AP1M1: variants seen among roughly 807,000 people sequenced by gnomAD.
AP1M1 encodes AP-1 complex subunit mu-1.
Under a neutral mutation model 57.1 loss-of-function variants are expected in AP1M1, and 18 were observed. The observed-to-expected ratio is 0.32, with a 90% CI of 0.22 to 0.47. The LOEUF is 0.47. AP1M1 is among the 20% of genes least tolerant of loss of function. AP1M1 has a pLI of 1.00. For missense variants in AP1M1, 362 were observed against 593.5 expected (o/e 0.61, Z 4.05); for synonymous variants, 241 against 237.9 (o/e 1.01, Z -0.12).
Position 16,243,084 on chromosome 19 carries a change from G to A in AP1M1, c.*8649G>A, listed in dbSNP as rs1294273390. ...ACACACGGCCAGAATAGACTTTAAAGCAAGAAAGCAAAAGAAAAAATGTAT... is the reference window on the plus strand; with the variant it reads ...ACACACGGCCAGAATAGACTTTAAAACAAGAAAGCAAAAGAAAAAATGTAT... On this transcript the variant is annotated 3_prime_UTR_variant, in exon 12 of 12. Coordinates refer to ENST00000291439, the MANE Select transcript of AP1M1 (RefSeq NM_032493.4). 6.6e-6 allele frequency: 1 copy of A among 151,918 alleles called. No individual in the cohort carries two copies. The highest frequency in any genetic ancestry group is 2.4e-5 in the African/African-American group (1 of 41,360). The allele number at this position is 151,918 out of a possible 1,614,324, so 9.4% of individuals were successfully genotyped here.
intron 5 of AP1M1, among the ~76,000 whole-genome samples, chr19:16,222,526 T>A (rs1007016721): frequency 6.6e-6 from 1 of 152,196 alleles, no homozygotes; most frequent in Non-Finnish European, 1.5e-5. Flanking sequence ...ATTCTGCTAT[T>A]AAGTCCATTG....
chr19:16,202,396 A>G (rs2091452453), intron 1 of AP1M1, among the ~76,000 whole-genome samples: 1 of 152,312 alleles, frequency 6.6e-6, no homozygotes, highest in African/African-American at 2.4e-5. Flanking sequence ...AATGAGGTAT[A>G]ATTTACATTA....
At chr19:16,226,612 T>C (rs2305939) in intron 6 of AP1M1, 65 bp downstream of exon 6, 1,155,995 of 1,509,798 alleles carry the variant, frequency 0.77, 448,650 homozygotes, top group Non-Finnish European at 0.8. Flanking sequence ...CATTACAGCC[T>C]AGGGCAGGGT....
Position 16,227,549 on chromosome 19 carries a change from C to T in AP1M1, c.675C>T (p.Arg225=), listed in dbSNP as rs199774903. The T allele has an allele frequency of 1.0e-4, 163 of 1,613,584 alleles. No individual in the cohort carries two copies. The highest frequency in any genetic ancestry group is 3.3e-4 in the Middle Eastern group (2 of 6,080). The change falls in exon 7 of 12, where the codon CGC becomes CGT. Residue 225 remains arginine, a splice_region_variant and synonymous_variant. Coordinates refer to ENST00000291439, the MANE Select transcript of AP1M1 (RefSeq NM_032493.4). This position sits in a 1 kb window ranked among gnomAD's most constrained non-coding sequence, Gnocchi z 6.2. ...TCCTACCCTCACCCCTGACCCCAGGCGGCAAAAGCAAATCCGTGGAGCTGG... is the reference window on the plus strand; with the variant it reads ...TCCTACCCTCACCCCTGACCCCAGGTGGCAAAAGCAAATCCGTGGAGCTGG... ...NDKVLFDNTG[R]GKSKSVELED...
chr19:16,211,623 G>A (rs760537670), intron 5 of AP1M1, among the ~76,000 whole-genome samples: 16 of 152,056 alleles, frequency 1.1e-4, no homozygotes, highest in East Asian at 3.9e-4. Flanking sequence ...GGTGATGCGC[G>A]CCTGTAATCC....
intron 9 of AP1M1, among the ~76,000 whole-genome samples, chr19:16,231,660 G>A (rs1568356039): frequency 6.6e-6 from 1 of 152,158 alleles, no homozygotes; most frequent in Non-Finnish European, 1.5e-5. Flanking sequence ...CAGGTGATCT[G>A]CCTGCTTCGG....
rs1463393569 is a variant in AP1M1 at position 16,242,694 on chromosome 19, A to C, written c.*8259A>C. ...AAGTAAAAAGACATTAAAAGATGCC[A>C]AAAGAAATCTCATATGGTTATATTA... On this transcript the variant is annotated 3_prime_UTR_variant, in exon 12 of 12. Transcript: ENST00000291439. The C allele has an allele frequency of 6.6e-6, 1 of 152,272 alleles. No homozygotes were observed. The highest frequency in any genetic ancestry group is 1.9e-4 in the East Asian group (1 of 5,204). 9.4% of individuals were successfully genotyped at this position (152,272 alleles called of 1,614,324 possible).
At chr19:16,225,636 C>T (rs1599464076) in intron 5 of AP1M1, among the ~76,000 whole-genome samples, 1 of 152,352 alleles carries the variant, frequency 6.6e-6, no homozygotes, top group African/African-American at 2.4e-5. Context: ...CAGGTCATCT[C>T]CCCACAGTCC....
At chr19:16,212,587 C>T (rs1808645850) in intron 5 of AP1M1, among the ~76,000 whole-genome samples, 1 of 152,158 alleles carries the variant, frequency 6.6e-6, no homozygotes, top group Non-Finnish European at 1.5e-5. Flanking sequence ...GTTTTTGTGT[C>T]TCAGTCTTCT....
At chr19:16,201,792 G>GATCACTC in intron 1 of AP1M1, among the ~76,000 whole-genome samples, 1 of 152,326 alleles carries the variant, frequency 6.6e-6, no homozygotes, top group African/African-American at 2.4e-5. Flanking sequence ...AACAGATGTG[G>GATCACTC]ATCACTCAGA....
chr19:16,233,779 C>T (rs571311972), intron 10 of AP1M1, among the ~76,000 whole-genome samples, 161 bp downstream of exon 10: 1 of 152,308 alleles, frequency 6.6e-6, no homozygotes, highest in Non-Finnish European at 1.5e-5. Context: ...GGCCAGGCTG[C>T]CTCTGCTCAG....
In AP1M1 at chr19:16,206,308, T is replaced by C; in HGVS notation, c.200-33T>C. 5 of 1,612,474 alleles carry C rather than the reference T, an allele frequency of 3.1e-6. No individual in the cohort carries two copies. The highest frequency in any genetic ancestry group is 4.2e-6 in the Non-Finnish European group (5 of 1,178,634). Reference sequence around the variant, plus strand: ...GATCTTCCAGGCAGCAGCCCCAGCCTCTGAATGCTCCTTAACTGTGGCCGC... The same window carrying C: ...GATCTTCCAGGCAGCAGCCCCAGCCCCTGAATGCTCCTTAACTGTGGCCGC... On this transcript the variant is annotated intron_variant, in intron 2 of 11. Transcript: ENST00000291439. The surrounding 1 kb of genome is among the most constrained non-coding windows in gnomAD (Gnocchi z 4.3).
In AP1M1 at chr19:16,243,961, A is replaced by C. The variant is rs1202927216; in HGVS notation, c.*9526A>C. Reference sequence around the variant, plus strand: ...CTGTCTCCAAATAAATAATTAGAGAATATTTTTCAATCTGGATGCAGGTGA... The same window carrying C: ...CTGTCTCCAAATAAATAATTAGAGACTATTTTTCAATCTGGATGCAGGTGA... On this transcript the variant is annotated 3_prime_UTR_variant, in exon 12 of 12. Coordinates refer to ENST00000291439, the MANE Select transcript of AP1M1 (RefSeq NM_032493.4). 6.6e-6 allele frequency: 1 copy of C among 152,184 alleles called. No homozygotes were observed. Among genetic ancestry groups the C allele is most frequent in the African/African-American group, 2.4e-5 (1 of 41,442 alleles). 9.4% of individuals were successfully genotyped at this position (152,184 alleles called of 1,614,324 possible). A position where few individuals can be genotyped will look rare whatever the true frequency, so the allele number is the denominator to read the frequency against.
chr19:16,234,391 A>G, intron 11 of AP1M1, 22 bp from the exon 12 acceptor site: 1 of 1,613,766 alleles, frequency 6.2e-7, no homozygotes, highest in Admixed American at 1.7e-5. Context: ...GCCCAGCATG[A>G]CGCCTCCCTC....
At chr19:16,225,559 G>A (rs925366037) in intron 5 of AP1M1, among the ~76,000 whole-genome samples, 7 of 152,182 alleles carry the variant, frequency 4.6e-5, no homozygotes, top group African/African-American at 9.6e-5. Flanking sequence ...CAGGACCGTC[G>A]CCCCGGTGTG....
At position 16,228,859 on chromosome 19, in the gene AP1M1, GA is replaced by G; in HGVS notation, c.979del (p.Thr327ArgfsTer29). 6.2e-7 allele frequency: 1 copy of G among 1,614,224 alleles called. No individual in the cohort carries two copies. The highest frequency in any genetic ancestry group is 8.5e-7 in the Non-Finnish European group (1 of 1,180,028). On this transcript the variant is annotated frameshift_variant, in exon 9 of 12. Transcript: ENST00000291439. LOFTEE classifies it high-confidence loss of function. This position sits in a 1 kb window ranked among gnomAD's most constrained non-coding sequence, Gnocchi z 5.0. ...PNDADSPKFK[T>X]TVGSVKWVPE... is the part of the protein sequence containing the mutation. ...ATGATGCCGACTCACCCAAGTTCAA[GA>G]CGACGGTGGGGAGCGTTAAGTGGGT...
chr19:16,204,979 C>T (rs995284314), intron 2 of AP1M1, among the ~76,000 whole-genome samples: 6 of 152,046 alleles, frequency 3.9e-5, no homozygotes, highest in Admixed American at 2.0e-4. Context: ...TACAGGCGCC[C>T]GCCACCACGC....
Position 16,206,245 on chromosome 19 carries a change from G to A in AP1M1, c.200-96G>A. 1 of 1,270,096 alleles carries A rather than the reference G, an allele frequency of 7.9e-7. No homozygotes were observed. The highest frequency in any genetic ancestry group is 2.3e-5 in the East Asian group (1 of 43,078). The allele number at this position is 1,270,096 out of a possible 1,614,324, so 78.7% of individuals were successfully genotyped here. On this transcript the variant is annotated intron_variant, in intron 2 of 11. Transcript: ENST00000291439. The surrounding 1 kb of genome is among the most constrained non-coding windows in gnomAD (Gnocchi z 4.3). ...TGGGAGTGGGGATAGGGAAGGCTCTGAGGGTTGTGAGGGTTAGGGGGTCCC... is the reference window on the plus strand; with the variant it reads ...TGGGAGTGGGGATAGGGAAGGCTCTAAGGGTTGTGAGGGTTAGGGGGTCCC...
At chr19:16,217,744 C>T (rs2091524964) in intron 5 of AP1M1, among the ~76,000 whole-genome samples, 2 of 152,118 alleles carry the variant, frequency 1.3e-5, no homozygotes, top group South Asian at 2.1e-4. Flanking sequence ...CTAAAGTCTC[C>T]TATGAGAGCA....
Sources: gnomAD v4.1 joint callset for allele counts (sites outside exome capture counted in the v4.1 genomes callset) on GRCh38, gnomAD v4.1.1 for gene constraint, Gnocchi (gnomAD v3.1) non-coding constraint, MANE v1.5 for transcripts, NCBI Gene and HGNC (gene_info 2026-07-23, HGNC 2026-07-21) for gene names.